Variants in ZNF131 observed in about 807,000 individuals in gnomAD.
The protein encoded by ZNF131 is zinc finger and BTB domain containing 35.
Under a neutral mutation model 60.0 loss-of-function variants are expected in ZNF131, and 7 were observed. The ratio of observed to expected loss-of-function variants is 0.12; its 90% CI spans 0.07 to 0.22. ZNF131 has a LOEUF of 0.22. Among genes scored for constraint, ZNF131 ranks in the 10% least tolerant of loss-of-function variants. ZNF131 has a pLI of 1.00. For missense variants in ZNF131, 493 were observed against 740.9 expected (o/e 0.67, Z 3.88); for synonymous variants, 257 against 253.2 (o/e 1.01, Z -0.14).
At chr5:43,138,869 C>T (rs1746456929) in intron 3 of ZNF131, among the ~76,000 whole-genome samples, 1 of 152,080 alleles carries the variant, frequency 6.6e-6, no homozygotes, top group African/African-American at 2.4e-5. Flanking sequence ...CTGTAATCTC[C>T]CTGGCAAGAA....
intron 5 of ZNF131, among the ~76,000 whole-genome samples, chr5:43,170,742 C>T (rs71627585): frequency 1.3e-5 from 2 of 150,590 alleles, no homozygotes; most frequent in African/African-American, 4.9e-5. Flanking sequence ...AAGTGATTCT[C>T]CTGCCTCAGC....
In ZNF131 at chr5:43,175,061, C is replaced by T. The variant is rs200626157; in HGVS notation, c.1800C>T (p.Thr600=). ...ACGAAGATGCTGAGGATTTAGAGAC[C>T]AAGCCAACAGTGGATTCTGAAGCAG... ...EDHEDAEDLE[T]KPTVDSEAEK... is the part of the protein sequence containing the mutation. Residue 600 remains threonine (T), a synonymous_variant, in exon 7 of 7, where the codon ACC becomes ACT. Transcript: ENST00000682664. The T allele has an allele frequency of 3.7e-6, 6 of 1,614,150 alleles. No homozygotes were observed. The highest frequency in any genetic ancestry group is 3.3e-5 in the Admixed American group (2 of 60,016).
At chr5:43,153,029 T>C (rs1170195727) in intron 4 of ZNF131, among the ~76,000 whole-genome samples, 5 of 152,188 alleles carry the variant, frequency 3.3e-5, no homozygotes, top group South Asian at 2.1e-4. Context: ...CCTCCTCTTA[T>C]GCAGACCTTT....
chr5:43,164,730 A>T (rs538357440), intron 5 of ZNF131, among the ~76,000 whole-genome samples: 2 of 152,192 alleles, frequency 1.3e-5, no homozygotes, highest in Non-Finnish European at 2.9e-5. Flanking sequence ...ACAGCAGAAT[A>T]TAGGGTTAAA....
chr5:43,173,234 CA>C, intron 5 of ZNF131, 83 bp from the exon 6 acceptor site: 1 of 1,329,534 alleles, frequency 7.5e-7, no homozygotes, highest in Non-Finnish European at 1.0e-6. Flanking sequence ...TAAAATTACC[CA>C]AAAAGAAAAA....
intron 5 of ZNF131, among the ~76,000 whole-genome samples, chr5:43,164,687 C>T (rs1056847244): frequency 6.6e-6 from 1 of 152,104 alleles, no homozygotes; most frequent in African/African-American, 2.4e-5. Flanking sequence ...TTAAATGTGC[C>T]TCTCAGGTCT....
chr5:43,152,496 C>T (rs1444286861), intron 4 of ZNF131, among the ~76,000 whole-genome samples: 2 of 152,150 alleles, frequency 1.3e-5, no homozygotes, highest in Admixed American at 1.3e-4. Context: ...CAGGGAATGG[C>T]AAACACAGCA....
intron 4 of ZNF131, chr5:43,143,471 A>C (rs1453980188): frequency 7.6e-7 from 1 of 1,315,680 alleles, no homozygotes; most frequent in African/African-American, 1.5e-5. Flanking sequence ...CTGTATTTGA[A>C]GTTTCTTAAT....
At chr5:43,165,544 A>T (rs542373900) in intron 5 of ZNF131, among the ~76,000 whole-genome samples, 1 of 152,332 alleles carries the variant, frequency 6.6e-6, no homozygotes, top group Admixed American at 6.5e-5. Flanking sequence ...TAGTATTTTG[A>T]AAGGAGTCTT....
At chr5:43,134,196 C>T (rs1360446365) in intron 3 of ZNF131, among the ~76,000 whole-genome samples, 1 of 152,028 alleles carries the variant, frequency 6.6e-6, no homozygotes, top group Non-Finnish European at 1.5e-5. Flanking sequence ...TGAGATTTAC[C>T]CTTAGGATGC....
chr5:43,168,857 C>T (rs1002650172), intron 5 of ZNF131, among the ~76,000 whole-genome samples: 1 of 152,028 alleles, frequency 6.6e-6, no homozygotes, highest in African/African-American at 2.4e-5. Flanking sequence ...CGGTGAGGTG[C>T]AGGAGTAAAA....
chr5:43,157,832 T>C (rs1160308807), intron 4 of ZNF131, among the ~76,000 whole-genome samples: 1 of 152,236 alleles, frequency 6.6e-6, no homozygotes, highest in Non-Finnish European at 1.5e-5. Flanking sequence ...TGGCTTATGG[T>C]AGCAGAACTC....
intron 4 of ZNF131, among the ~76,000 whole-genome samples, chr5:43,150,742 A>C (rs1362919343): frequency 6.6e-6 from 1 of 152,054 alleles, no homozygotes; most frequent in Admixed American, 6.6e-5. Flanking sequence ...GCGCCATTGC[A>C]CTCTGGCTTG....
intron 4 of ZNF131, among the ~76,000 whole-genome samples, chr5:43,141,404 A>G (rs1461187424): frequency 2.0e-5 from 3 of 152,176 alleles, no homozygotes; most frequent in Admixed American, 6.5e-5. Flanking sequence ...AGCCTTCCAA[A>G]AGAATGTTCT....
chr5:43,145,134 T>C (rs1747419481), intron 4 of ZNF131, among the ~76,000 whole-genome samples: 1 of 152,112 alleles, frequency 6.6e-6, no homozygotes, highest in Non-Finnish European at 1.5e-5. Context: ...CTCGAAATTA[T>C]GCCTCTGAGA....
intron 4 of ZNF131, among the ~76,000 whole-genome samples, chr5:43,143,164 A>G (rs1278912405): frequency 1.3e-5 from 2 of 151,862 alleles, no homozygotes; most frequent in African/African-American, 4.8e-5. Flanking sequence ...CTGGGACTAC[A>G]GGCACACGCC....
chr5:43,172,992 A>T, intron 5 of ZNF131: 1 of 179,326 alleles, frequency 5.6e-6, no homozygotes, highest in Non-Finnish European at 1.2e-5. Context: ...AAAATGATGC[A>T]ATTCCGCAAA....
chr5:43,175,016 T>C lies in ZNF131; in HGVS notation c.1755T>C (p.Ala585=). The C allele has an allele frequency of 2.5e-6, 4 of 1,614,130 alleles. No homozygotes were observed. Among genetic ancestry groups the C allele is most frequent in the Non-Finnish European group, 2.5e-6 (3 of 1,180,014 alleles). Residue 585 remains alanine, a synonymous_variant, in exon 7 of 7, where the codon GCT becomes GCC. Coordinates refer to ENST00000682664, the MANE Select transcript of ZNF131 (RefSeq NM_001330707.2). ...EERESSQADA[A]EAAREDHEDA... is the part of the protein sequence containing the mutation. Reference sequence around the variant, plus strand: ...GAGAGTCTAGCCAAGCAGATGCTGCTGAGGCTGCCAGGGAAGATCACGAAG... The same window carrying C: ...GAGAGTCTAGCCAAGCAGATGCTGCCGAGGCTGCCAGGGAAGATCACGAAG...
At chr5:43,142,155 G>C (rs1746921781) in intron 4 of ZNF131, among the ~76,000 whole-genome samples, 1 of 151,656 alleles carries the variant, frequency 6.6e-6, no homozygotes, top group Non-Finnish European at 1.5e-5. Flanking sequence ...GCCTGGCCAA[G>C]ACGGTGAAAC....
Sources: allele counts gnomAD v4.1 joint callset (sites outside exome capture counted in the v4.1 genomes callset), GRCh38; gene constraint gnomAD v4.1.1; transcripts MANE v1.5; gene names NCBI Gene and HGNC (gene_info 2026-07-23, HGNC 2026-07-21).